The following ARHGAP28 variants were observed in gnomAD, a reference collection of about 807,000 sequenced individuals.
The protein encoded by ARHGAP28 is Rho GTPase activating protein 28.
In ARHGAP28, 56 loss-of-function variants were observed where a neutral mutation model predicts 90.7. The observed-to-expected ratio is 0.62, with a 90% CI of 0.50 to 0.77. The LOEUF is 0.77. ARHGAP28 is among the 30% of genes least tolerant of loss of function. The pLI is 0.00. For missense variants in ARHGAP28, 869 were observed against 900.9 expected, an observed-to-expected ratio of 0.96 and a Z score of 0.45; for synonymous variants, 308 against 323.3, an observed-to-expected ratio of 0.95 and a Z score of 0.51.
rs1355557047 is a variant in ARHGAP28 at position 6,870,731 on chromosome 18, C to A, written c.953C>A (p.Thr318Asn). The change falls in exon 7 of 18, where the codon ACT (threonine) becomes AAT (asparagine). Residue 318 changes from threonine to asparagine, a missense_variant and splice_region_variant. Thr to Asn is a moderately conservative substitution (Grantham distance 65). Transcript: ENST00000383472. Reference sequence around the variant, plus strand: ...ATTAAGAAAGAAGACTATGTTTTAACTGTAAGCAAAACCTTTCATGATTAT... The same window carrying A: ...ATTAAGAAAGAAGACTATGTTTTAAATGTAAGCAAAACCTTTCATGATTAT... ...SEIKKEDYVL[T>N]KFNVQKTRFG... is the part of the protein sequence containing the mutation. 1.9e-6 allele frequency: 3 copies of A among 1,598,174 alleles called. No homozygotes were observed. Among genetic ancestry groups the A allele is most frequent in the South Asian group, 2.3e-5 (2 of 88,044 alleles).
chr18:6,768,522 A>G (rs922828343), intron 1 of ARHGAP28, among the ~76,000 whole-genome samples: 1 of 152,120 alleles, frequency 6.6e-6, no homozygotes, highest in Non-Finnish European at 1.5e-5. Context: ...ATTGGTCCAA[A>G]GTCAAATGCC....
rs1600319239 is a variant in ARHGAP28 at position 6,913,628 on chromosome 18, T to G, written c.*1474T>G. The G allele has an allele frequency of 1.6e-4, 1 of 6,162 alleles. No individual in the cohort carries two copies. Among genetic ancestry groups the G allele is most frequent in the African/African-American group, 4.9e-4 (1 of 2,040 alleles). 0.4% of individuals were successfully genotyped at this position (6,162 alleles called of 1,614,324 possible). A position where few individuals can be genotyped will look rare whatever the true frequency, so the allele number is the denominator to read the frequency against. On this transcript the variant is annotated 3_prime_UTR_variant, in exon 18 of 18. Coordinates refer to ENST00000383472, the MANE Select transcript of ARHGAP28 (RefSeq NM_001366230.1). Reference sequence around the variant, plus strand: ...TGTAGAAGAAATCTTGTATATACTATTATTACACCTTGATATCTATACAAA... The same window carrying G: ...TGTAGAAGAAATCTTGTATATACTAGTATTACACCTTGATATCTATACAAA...
intron 1 of ARHGAP28, among the ~76,000 whole-genome samples, chr18:6,811,339 G>A (rs1290587150): frequency 6.6e-6 from 1 of 152,138 alleles, no homozygotes; most frequent in Non-Finnish European, 1.5e-5. Flanking sequence ...CTGGAGAGAA[G>A]AAAAGGCTGA....
At chr18:6,834,039 G>A (rs1247766634) in intron 2 of ARHGAP28, among the ~76,000 whole-genome samples, 1 of 152,040 alleles carries the variant, frequency 6.6e-6, no homozygotes, top group Non-Finnish European at 1.5e-5. Flanking sequence ...AGCAGGGCAA[G>A]CAGTGGAGGT....
At chr18:6,876,247 G>A in intron 10 of ARHGAP28, 39 bp downstream of exon 10, 1 of 1,487,892 alleles carries the variant, frequency 6.7e-7, no homozygotes, top group Non-Finnish European at 9.4e-7. Flanking sequence ...AGAGTTCTAA[G>A]CTAGCTAGAC....
intron 2 of ARHGAP28, 98 bp from the exon 3 acceptor site, chr18:6,837,098 AT>A: frequency 1.1e-6 from 1 of 887,366 alleles, no homozygotes; most frequent in Non-Finnish European, 1.7e-6. Context: ...TAGAAAAAAA[AT>A]ACAAATATTA....
chr18:6,823,476 A>G (rs1162342214), intron 1 of ARHGAP28, among the ~76,000 whole-genome samples: 1 of 152,156 alleles, frequency 6.6e-6, no homozygotes, highest in African/African-American at 2.4e-5. Flanking sequence ...TGAATGGTCA[A>G]TAGCCAAAAG....
At chr18:6,911,974 C>A in intron 17 of ARHGAP28, 86 bp from the exon 18 acceptor site, 1 of 786,556 alleles carries the variant, frequency 1.3e-6, no homozygotes, top group Non-Finnish European at 1.9e-6. Context: ...TTATTTGAAC[C>A]TCACAAACAC....
chr18:6,801,161 G>A (rs1366658467), intron 1 of ARHGAP28, among the ~76,000 whole-genome samples: 3 of 152,122 alleles, frequency 2.0e-5, no homozygotes, highest in Non-Finnish European at 4.4e-5. Flanking sequence ...GATCCATTTT[G>A]AGTTCATTTT....
At position 6,912,705 on chromosome 18, in the gene ARHGAP28, G is replaced by A. The variant is rs2057405445; in HGVS notation, c.*551G>A. On this transcript the variant is annotated 3_prime_UTR_variant, in exon 18 of 18. Transcript: ENST00000383472. Reference sequence around the variant, plus strand: ...CTGACTGACTCCTGAATTGGAAGAGGAAGAACTTCTGTTTACAGAAAACTG... The same window carrying A: ...CTGACTGACTCCTGAATTGGAAGAGAAAGAACTTCTGTTTACAGAAAACTG... 1 of 152,210 alleles carries A rather than the reference G, an allele frequency of 6.6e-6. No homozygotes were observed. Among genetic ancestry groups the A allele is most frequent in the African/African-American group, 2.4e-5 (1 of 41,456 alleles). The allele number at this position is 152,210 out of a possible 1,614,324, so 9.4% of individuals were successfully genotyped here.
intron 1 of ARHGAP28, among the ~76,000 whole-genome samples, chr18:6,744,398 G>A (rs1447101089): frequency 6.6e-6 from 1 of 152,062 alleles, no homozygotes; most frequent in African/African-American, 2.4e-5. Flanking sequence ...GGATTATGAG[G>A]GGCTCCATTA....
chr18:6,813,395 T>C (rs2056569909), intron 1 of ARHGAP28, among the ~76,000 whole-genome samples: 2 of 152,328 alleles, frequency 1.3e-5, no homozygotes, highest in Admixed American at 6.5e-5. Flanking sequence ...GTGTATTTGG[T>C]CTGCTACACC....
At chr18:6,878,441 C>T (rs1329563187) in intron 10 of ARHGAP28, among the ~76,000 whole-genome samples, 1 of 151,654 alleles carries the variant, frequency 6.6e-6, no homozygotes, top group Admixed American at 6.6e-5. Flanking sequence ...CACATGTATA[C>T]ATATGTAACT....
At chr18:6,895,540 T>G (rs1277365100) in intron 15 of ARHGAP28, among the ~76,000 whole-genome samples, 2 of 152,230 alleles carry the variant, frequency 1.3e-5, no homozygotes, top group African/African-American at 4.8e-5. Context: ...AGCACCTGCT[T>G]CTTGCCCCTC....
At chr18:6,732,716 T>G (rs1257851179) in intron 1 of ARHGAP28, among the ~76,000 whole-genome samples, 2 of 152,246 alleles carry the variant, frequency 1.3e-5, no homozygotes, top group Non-Finnish European at 2.9e-5. Context: ...CAGTGAAATG[T>G]ACTTGTCAGT....
chr18:6,851,976 G>C (rs1202045995), intron 4 of ARHGAP28, among the ~76,000 whole-genome samples: 1 of 151,980 alleles, frequency 6.6e-6, no homozygotes, highest in Non-Finnish European at 1.5e-5. Context: ...TCTTGACTGT[G>C]GTGATGGTTT....
intron 17 of ARHGAP28, 94 bp downstream of exon 17, chr18:6,909,118 C>A: frequency 3.8e-6 from 3 of 782,056 alleles, no homozygotes; most frequent in South Asian, 1.8e-5. Flanking sequence ...TTATGAATTT[C>A]TCAGATAAAA....
chr18:6,824,136 G>A (rs1475960499), intron 1 of ARHGAP28, among the ~76,000 whole-genome samples: 2 of 152,134 alleles, frequency 1.3e-5, no homozygotes, highest in African/African-American at 4.8e-5. Context: ...AACTTTTACT[G>A]TGCATATTTT....
rs1567959619 is a variant in ARHGAP28, at chr18:6,824,870, C to T, written c.231C>T (p.Ser77=). 1 of 1,536,364 alleles carries T rather than the reference C, an allele frequency of 6.5e-7. No individual in the cohort carries two copies. The highest frequency in any genetic ancestry group is 8.7e-7 in the Non-Finnish European group (1 of 1,146,954). ...SNSEASVDSA[S]MEDFWREIES... is the part of the protein sequence containing the mutation. ...CAGAAGCCTCCGTAGACAGCGCCTC[C>T]ATGGAGGATTTCTGGCGGGAAATAG... The change falls in exon 2 of 18, where the codon TCC becomes TCT. Residue 77 remains serine, a synonymous_variant. Transcript: ENST00000383472.
Sources: gnomAD v4.1 joint callset for allele counts (sites outside exome capture counted in the v4.1 genomes callset) on GRCh38, gnomAD v4.1.1 for gene constraint, MANE v1.5 for transcripts, NCBI Gene and HGNC (gene_info 2026-07-23, HGNC 2026-07-21) for gene names.